PGM2L1: variants seen among roughly 807,000 people sequenced by gnomAD.
The protein encoded by PGM2L1 is glucose 1,6-bisphosphate synthase.
Under a neutral mutation model 73.4 loss-of-function variants are expected in PGM2L1, and 35 were observed. That is an observed-to-expected ratio of 0.48 (90% CI 0.36 to 0.63). The LOEUF is 0.63. PGM2L1 is among the 30% of genes least tolerant of loss of function. The pLI is 0.00. For missense variants in PGM2L1, 570 were observed against 742.0 expected (o/e 0.77, Z 2.69); for synonymous variants, 225 against 253.8 (o/e 0.89, Z 1.08).
intron 5 of PGM2L1, among the ~76,000 whole-genome samples, chr11:74,361,945 G>A (rs1396748214): frequency 1.3e-5 from 2 of 152,200 alleles, no homozygotes; most frequent in Non-Finnish European, 2.9e-5. Context: ...AAGTGACAGG[G>A]AGAATGGAAC....
In PGM2L1 at chr11:74,351,535, A is replaced by G. The variant is rs745622386; in HGVS notation, c.597T>C (p.Asp199=). 8 of 1,612,816 alleles carry G rather than the reference A, an allele frequency of 5.0e-6. No individual in the cohort carries two copies. In the Admixed American group the frequency reaches 1.2e-4, roughly 24 times the overall value. Residue 199 remains aspartate (D), a synonymous_variant, in exon 6 of 14, where the codon GAT becomes GAC. Transcript: ENST00000298198. ...CTTCTATACATTTTAGAATTTCTTT[A>G]TCATGAGGAGATGTGATCTGAGCAC... ...ETGAQITSPH[D]KEILKCIEEC...
chr11:74,368,983 T>G (rs986191531), intron 4 of PGM2L1, among the ~76,000 whole-genome samples: 1 of 152,170 alleles, frequency 6.6e-6, no homozygotes, highest in South Asian at 2.1e-4. Flanking sequence ...ATACACAAAA[T>G]TACTGATACT....
chr11:74,337,765 C>A lies in PGM2L1; in HGVS notation c.1766+703G>T, dbSNP rs186014538. 1.1e-3 allele frequency among the ~76,000 whole-genome samples: 160 copies of A among 152,258 alleles called. 3 individuals carry two copies. The East Asian group carries it at 0.025, about 23-fold the overall frequency. On this transcript the variant is annotated intron_variant, in intron 13 of 13. Transcript: ENST00000298198. ...ACATAATACTTAAAGCTCAGAGAATCTTTCCAAGAATAGAAATTCAATACA... is the reference window on the plus strand; with the variant it reads ...ACATAATACTTAAAGCTCAGAGAATATTTCCAAGAATAGAAATTCAATACA...
In PGM2L1 at chr11:74,338,783, T is replaced by C. The variant is rs1049292388; in HGVS notation, c.1633-182A>G. On this transcript the variant is annotated intron_variant, in intron 12 of 13. Coordinates refer to ENST00000298198, the MANE Select transcript of PGM2L1 (RefSeq NM_173582.6). Reference sequence around the variant, plus strand: ...GTATAGGGAGTTATTGCTTAAAGGATAGAGAGTTTCAGTTTAGCAAGATGA... The same window carrying C: ...GTATAGGGAGTTATTGCTTAAAGGACAGAGAGTTTCAGTTTAGCAAGATGA... Among the ~76,000 whole-genome samples, 6 of 152,198 alleles carry C rather than the reference T, an allele frequency of 3.9e-5. 1 individual carries two copies. Among genetic ancestry groups the C allele is most frequent in the African/African-American group, 1.4e-4 (6 of 41,452 alleles).
At position 74,370,939 on chromosome 11, in the gene PGM2L1, A is replaced by G; in HGVS notation, c.434T>C (p.Val145Ala). Residue 145 changes from valine (V) to alanine (A), a missense_variant, in exon 4 of 14, where the codon GTG becomes GCG. By Grantham distance (64) the Val-to-Ala change is moderately conservative (BLOSUM62 0). Coordinates refer to ENST00000298198, the MANE Select transcript of PGM2L1 (RefSeq NM_173582.6). ...AGGAACATATCTTGAAAAAAGGTAC[A>G]CAGGAACATCTTTGGCCAGCAAGAC... ...AAVLLAKDVP[V>A]YLFSRYVPTP... is the part of the protein sequence containing the mutation. 1 of 1,613,478 alleles carries G rather than the reference A, an allele frequency of 6.2e-7. No homozygotes were observed. The highest frequency in any genetic ancestry group is 1.1e-5 in the South Asian group (1 of 91,068).
chr11:74,339,291 A>C (rs1862147355), intron 12 of PGM2L1, among the ~76,000 whole-genome samples: 1 of 152,206 alleles, frequency 6.6e-6, no homozygotes, highest in South Asian at 2.1e-4. Flanking sequence ...TCTATTTTTT[A>C]TAAAAATTAA....
rs1862418100 is a variant in PGM2L1 at position 74,354,837 on chromosome 11, GA to G, written c.556-3262del. On this transcript the variant is annotated intron_variant, in intron 5 of 13. Transcript: ENST00000298198. Reference sequence around the variant, plus strand: ...ATTTTGAACAGTATGGGAAAAAAATGAAGCGACTGTAATCATGACTGACCGA... The same window carrying G: ...ATTTTGAACAGTATGGGAAAAAAATGAGCGACTGTAATCATGACTGACCGA... 7 of 809,802 alleles carry G rather than the reference GA, an allele frequency of 8.6e-6. No individual in the cohort carries two copies. In the South Asian group the frequency reaches 9.2e-5, roughly 11 times the overall value. The allele number at this position is 809,802 out of a possible 1,614,324, so 50.2% of individuals were successfully genotyped here.
chr11:74,394,739 G>C (rs929092276), intron 1 of PGM2L1, among the ~76,000 whole-genome samples: 4 of 152,092 alleles, frequency 2.6e-5, no homozygotes, highest in Non-Finnish European at 5.9e-5. Flanking sequence ...AATTCTGAAA[G>C]TTCAAGCACA....
intron 1 of PGM2L1, among the ~76,000 whole-genome samples, chr11:74,393,513 A>G (rs553471907): frequency 8.1e-4 from 124 of 152,344 alleles, no homozygotes; most frequent in Non-Finnish European, 1.6e-3. Context: ...TGTGAGTGAC[A>G]TTGGAAAAAA....
intron 5 of PGM2L1, among the ~76,000 whole-genome samples, chr11:74,367,545 G>A (rs921215030): frequency 2.0e-5 from 3 of 152,234 alleles, no homozygotes; most frequent in African/African-American, 7.2e-5. Context: ...TTCCTTTAAA[G>A]TTGATATTCC....
rs1243865620 is a variant in PGM2L1 at position 74,370,820 on chromosome 11, CA to C, written c.471+81del. 11 of 1,293,842 alleles carry C rather than the reference CA, an allele frequency of 8.5e-6. No homozygotes were observed. In the East Asian group the frequency reaches 2.6e-4, roughly 31 times the overall value. 80.1% of individuals were successfully genotyped at this position (1,293,842 alleles called of 1,614,324 possible). ...ATTACTCAATACAGAACTACATGCACAAAAAATATTTGAATCCTAGTTGATT... is the reference window on the plus strand; with the variant it reads ...ATTACTCAATACAGAACTACATGCACAAAAATATTTGAATCCTAGTTGATT... On this transcript the variant is annotated intron_variant, in intron 4 of 13. Transcript: ENST00000298198.
chr11:74,365,117 G>T (rs28872612), intron 5 of PGM2L1, among the ~76,000 whole-genome samples: 75,157 of 143,694 alleles, frequency 0.52, 21,548 homozygotes, highest in East Asian at 0.79. Flanking sequence ...AATGGGGAAA[G>T]GATTCCCTAT....
intron 1 of PGM2L1, among the ~76,000 whole-genome samples, chr11:74,377,465 A>C (rs1862874793): frequency 6.6e-6 from 1 of 152,284 alleles, no homozygotes; most frequent in South Asian, 2.1e-4. Flanking sequence ...TTTTATGTAG[A>C]ACTCAGGTAT....
chr11:74,347,003 C>T, intron 7 of PGM2L1, 145 bp downstream of exon 7: 1 of 951,618 alleles, frequency 1.1e-6, no homozygotes, highest in Non-Finnish European at 1.5e-6. Context: ...TCAAACAAAA[C>T]ACAGCCTATT....
intron 1 of PGM2L1, among the ~76,000 whole-genome samples, chr11:74,386,137 A>T (rs972256274): frequency 6.6e-6 from 1 of 152,146 alleles, no homozygotes; most frequent in African/African-American, 2.4e-5. Flanking sequence ...AACATTTGTA[A>T]TACATGATAC....
chr11:74,360,579 CCAT>C (rs2134912538), intron 5 of PGM2L1, among the ~76,000 whole-genome samples: 2 of 152,214 alleles, frequency 1.3e-5, no homozygotes, highest in African/African-American at 4.8e-5. Context: ...TGGGTGCAGC[CCAT>C]CGAGTGTGAG....
intron 12 of PGM2L1, among the ~76,000 whole-genome samples, chr11:74,339,127 C>A (rs1465305337): frequency 6.6e-6 from 1 of 152,018 alleles, no homozygotes; most frequent in Non-Finnish European, 1.5e-5. Flanking sequence ...GTAAACAACC[C>A]ATTCAAGACA....
chr11:74,361,087 G>A (rs1452796437), intron 5 of PGM2L1, among the ~76,000 whole-genome samples: 1 of 152,214 alleles, frequency 6.6e-6, no homozygotes, highest in Non-Finnish European at 1.5e-5. Flanking sequence ...TCTGAGAACG[G>A]AGAGACTGCC....
At chr11:74,369,576 C>T (rs1379466945) in intron 4 of PGM2L1, among the ~76,000 whole-genome samples, 1 of 152,044 alleles carries the variant, frequency 6.6e-6, no homozygotes, top group Non-Finnish European at 1.5e-5. Flanking sequence ...AAAGGAACTC[C>T]CAGAGATATT....
Sources: allele counts gnomAD v4.1 joint callset (sites outside exome capture counted in the v4.1 genomes callset), GRCh38; gene constraint gnomAD v4.1.1; transcripts MANE v1.5; gene names NCBI Gene and HGNC (gene_info 2026-07-23, HGNC 2026-07-21).